The following SLC38A12 variants were observed in gnomAD, a reference collection of about 807,000 sequenced individuals.
The protein encoded by SLC38A12 is solute carrier family 38 member 12.
At chr17:74,796,049 G>A in the SLC38A12 span, among the ~76,000 whole-genome samples, 1 of 152,166 alleles carries the variant, frequency 6.6e-6, no homozygotes, top group African/African-American at 2.4e-5. Context: ...CTGGCCGTAA[G>A]CATCCTCTCC....
the SLC38A12 span, among the ~76,000 whole-genome samples, chr17:74,821,430 A>G: frequency 1.3e-5 from 2 of 152,218 alleles, no homozygotes; most frequent in South Asian, 4.1e-4. Flanking sequence ...CCAAAGCCCC[A>G]GGTTAAATTA....
At chr17:74,823,834 T>C in the SLC38A12 span, among the ~76,000 whole-genome samples, 4 of 152,356 alleles carry the variant, frequency 2.6e-5, no homozygotes, top group African/African-American at 9.6e-5. Flanking sequence ...GTTCCCCCCG[T>C]GTGGGACAGG....
chr17:74,833,688 C>T, the SLC38A12 span, among the ~76,000 whole-genome samples: 1 of 152,174 alleles, frequency 6.6e-6, no homozygotes, highest in Non-Finnish European at 1.5e-5. Context: ...GCTCACCAGA[C>T]CCAGGGCCCA....
chr17:74,788,943 C>T, the SLC38A12 span: 1 of 1,378,926 alleles, frequency 7.3e-7, no homozygotes, highest in Non-Finnish European at 1.0e-6. Flanking sequence ...CTCAGCAGCC[C>T]ATTCTTTTCC....
At chr17:74,816,291 A>T in the SLC38A12 span, among the ~76,000 whole-genome samples, 1 of 152,236 alleles carries the variant, frequency 6.6e-6, no homozygotes, top group Non-Finnish European at 1.5e-5. Context: ...GTTTGTGGTC[A>T]TCTGTGATAG....
At chr17:74,809,584 G>C in the SLC38A12 span, among the ~76,000 whole-genome samples, 1 of 152,188 alleles carries the variant, frequency 6.6e-6, no homozygotes, top group African/African-American at 2.4e-5. Flanking sequence ...CTTCGGTTCT[G>C]TGCGGGAAGC....
the SLC38A12 span, chr17:74,837,266 G>A: frequency 1.0e-6 from 1 of 985,610 alleles, no homozygotes; most frequent in Non-Finnish European, 1.2e-6. Context: ...CTGGCCCCAT[G>A]ACAAGAACAA....
the SLC38A12 span, among the ~76,000 whole-genome samples, chr17:74,781,846 G>T: frequency 2.0e-4 from 30 of 152,216 alleles, no homozygotes; most frequent in African/African-American, 6.5e-4. Context: ...GCCTCTTCCA[G>T]CCCCACCCCT....
chr17:74,833,569 G>A, the SLC38A12 span, among the ~76,000 whole-genome samples: 3 of 152,218 alleles, frequency 2.0e-5, no homozygotes, highest in East Asian at 1.9e-4. Context: ...ATGTGAGGCT[G>A]GGGAGTTAGA....
the SLC38A12 span, among the ~76,000 whole-genome samples, chr17:74,829,678 G>A: frequency 2.6e-5 from 4 of 152,058 alleles, no homozygotes; most frequent in Non-Finnish European, 2.9e-5. The surrounding 1 kb of genome is among the most constrained non-coding windows in gnomAD (Gnocchi z 4.1). Flanking sequence ...CCTCAGCATC[G>A]CATGCTCATG....
the SLC38A12 span, among the ~76,000 whole-genome samples, chr17:74,829,568 C>T: frequency 1.3e-5 from 2 of 152,124 alleles, no homozygotes; most frequent in East Asian, 1.9e-4. The surrounding 1 kb of genome is among the most constrained non-coding windows in gnomAD (Gnocchi z 4.1). Context: ...TCAGGGAGAG[C>T]GTGGGCGGCA....
the SLC38A12 span, chr17:74,788,867 C>T: frequency 6.2e-7 from 1 of 1,613,098 alleles, no homozygotes; most frequent in South Asian, 1.1e-5. Context: ...TGGAGAACCT[C>T]AAGGTGTGTG....
chr17:74,809,805 T>G, the SLC38A12 span, among the ~76,000 whole-genome samples: 5 of 152,166 alleles, frequency 3.3e-5, no homozygotes, highest in African/African-American at 1.2e-4. Context: ...AAATCATTCT[T>G]CCAGGTTCCC....
the SLC38A12 span, among the ~76,000 whole-genome samples, chr17:74,824,019 A>G: frequency 6.6e-6 from 1 of 152,224 alleles, no homozygotes; most frequent in African/African-American, 2.4e-5. Context: ...GTCAGCTGCC[A>G]CATCCCAAGA....
At chr17:74,815,515 T>C in the SLC38A12 span, among the ~76,000 whole-genome samples, 1 of 152,244 alleles carries the variant, frequency 6.6e-6, no homozygotes, top group Non-Finnish European at 1.5e-5. Flanking sequence ...CTACCCGCTT[T>C]ACTTTTGTGC....
chr17:74,795,495 C>G, the SLC38A12 span: 1 of 1,605,960 alleles, frequency 6.2e-7, no homozygotes, highest in South Asian at 1.1e-5. Context: ...CCTCGCTGAG[C>G]CTGGGCCTGC....
chr17:74,827,224 G>A, the SLC38A12 span, among the ~76,000 whole-genome samples: 1 of 151,914 alleles, frequency 6.6e-6, no homozygotes, highest in African/African-American at 2.4e-5. This position sits in a 1 kb window ranked among gnomAD's most constrained non-coding sequence, Gnocchi z 4.7. Context: ...CTGAGCGATT[G>A]CTGTGAGCCA....
At chr17:74,801,521 T>C in the SLC38A12 span, among the ~76,000 whole-genome samples, 1,471 of 152,274 alleles carry the variant, frequency 9.7e-3, 11 homozygotes, top group Non-Finnish European at 0.017. Flanking sequence ...GCCCCTGAGA[T>C]GCATGTGCCA....
the SLC38A12 span, among the ~76,000 whole-genome samples, chr17:74,807,359 T>C: frequency 6.6e-6 from 1 of 152,252 alleles, no homozygotes; most frequent in African/African-American, 2.4e-5. Context: ...AGAGCCAGCA[T>C]GGCCCATCGC....
Sources: gnomAD v4.1 joint callset for allele counts (sites outside exome capture counted in the v4.1 genomes callset) on GRCh38, gnomAD v4.1.1 for gene constraint, Gnocchi (gnomAD v3.1) non-coding constraint, MANE v1.5 for transcripts, NCBI Gene and HGNC (gene_info 2026-07-23, HGNC 2026-07-21) for gene names.